Variants in IGF2R observed in about 807,000 individuals in gnomAD.
IGF2R encodes the protein cation-independent mannose-6-phosphate receptor.
IGF2R carries 91 observed loss-of-function variants against 270.6 expected under a neutral mutation model. The observed-to-expected ratio is 0.34, with a 90% CI of 0.28 to 0.40. The LOEUF (loss-of-function observed/expected upper bound fraction) is 0.40. IGF2R is among the 10% of genes least tolerant of loss of function. IGF2R has a pLI of 1.00. For missense variants in IGF2R, 2,805 were observed against 3,188.3 expected (o/e 0.88, Z 2.90); for synonymous variants, 1,316 against 1,258.9 (o/e 1.05, Z -0.96).
At chr6:160,094,115 T>G in intron 44 of IGF2R, 1 of 454,290 alleles carries the variant, frequency 2.2e-6, no homozygotes, top group South Asian at 1.9e-5. Context: ...GTACTACTGC[T>G]GTTGCATAAC....
rs767501582 is a variant in IGF2R, at chr6:160,058,952, A to C, written c.2945A>C (p.Lys982Thr). 6.2e-7 allele frequency: 1 copy of C among 1,614,204 alleles called. No homozygotes were observed. Among genetic ancestry groups the C allele is most frequent in the African/African-American group, 1.3e-5 (1 of 75,044 alleles). Reference sequence around the variant, plus strand: ...CCTGTCTGTGGGACCATCCTGGGAAAACCTGCTTCTGGCTGTGAGGCAGAA... The same window carrying C: ...CCTGTCTGTGGGACCATCCTGGGAACACCTGCTTCTGGCTGTGAGGCAGAA... Reference protein sequence around the residue: ...TMPVCGTILGKPASGCEAETQ... With the variant: ...TMPVCGTILGTPASGCEAETQ... The change falls in exon 22 of 48, where the codon AAA (lysine) becomes ACA (threonine). Residue 982 changes from lysine to threonine, a missense_variant. This residue lies in a region of IGF2R where 1,851 missense variants were observed against 2,207.2 expected (regional missense o/e 0.84). Coordinates refer to ENST00000356956, the MANE Select transcript of IGF2R (RefSeq NM_000876.4).
At position 159,969,864 on chromosome 6, in the gene IGF2R, A is replaced by G. The variant is rs901682818; in HGVS notation, c.149+469A>G. On this transcript the variant is annotated intron_variant, in intron 1 of 47. Transcript: ENST00000356956. ...CACCGGGGCGTTGGAGCCCGCAGGAATGGTCCTGGAGTTGAGTGTTTGTGG... is the reference window on the plus strand; with the variant it reads ...CACCGGGGCGTTGGAGCCCGCAGGAGTGGTCCTGGAGTTGAGTGTTTGTGG... 4.6e-5 allele frequency among the ~76,000 whole-genome samples: 7 copies of G among 152,030 alleles called. No homozygotes were observed. In the East Asian group the frequency reaches 1.4e-3, roughly 29 times the overall value.
chr6:160,098,824 A>G (rs774542581), intron 45 of IGF2R, among the ~76,000 whole-genome samples: 22 of 152,338 alleles, frequency 1.4e-4, no homozygotes, highest in South Asian at 4.1e-4. Flanking sequence ...ATCTCAGGAA[A>G]AAAAATCATG....
At chr6:160,082,187 G>A (rs780152253) in intron 39 of IGF2R, among the ~76,000 whole-genome samples, 3 of 152,136 alleles carry the variant, frequency 2.0e-5, no homozygotes, top group Non-Finnish European at 4.4e-5. Context: ...GGAACCAAAC[G>A]TGTTAAATTT....
At chr6:160,100,030 A>G (rs1200252403) in intron 45 of IGF2R, among the ~76,000 whole-genome samples, 1 of 152,256 alleles carries the variant, frequency 6.6e-6, no homozygotes, top group African/African-American at 2.4e-5. Context: ...AACTTCCAAA[A>G]CAGCGGAGAA....
intron 2 of IGF2R, among the ~76,000 whole-genome samples, chr6:159,997,698 A>T (rs1020050260): frequency 6.6e-6 from 1 of 152,038 alleles, no homozygotes; most frequent in African/African-American, 2.4e-5. Context: ...GGGGTTCTCC[A>T]CCAGGCTCCA....
chr6:160,040,299 G>T (rs1315452426), intron 10 of IGF2R, among the ~76,000 whole-genome samples: 2 of 152,080 alleles, frequency 1.3e-5, no homozygotes, highest in Non-Finnish European at 2.9e-5. Flanking sequence ...CTTATCTTTG[G>T]AGATGCTGTA....
At chr6:159,989,916 A>G (rs181083632) in intron 1 of IGF2R, among the ~76,000 whole-genome samples, 21 of 152,340 alleles carry the variant, frequency 1.4e-4, no homozygotes, top group South Asian at 2.1e-4. Context: ...TCCCAAGTAT[A>G]CTGATTGATG....
chr6:159,976,200 G>A (rs1332398911), intron 1 of IGF2R, among the ~76,000 whole-genome samples: 5 of 151,996 alleles, frequency 3.3e-5, no homozygotes, highest in Non-Finnish European at 4.4e-5. Flanking sequence ...GTTTTATCTA[G>A]TTTATTTTTC....
intron 28 of IGF2R, 122 bp from the exon 29 acceptor site, chr6:160,064,682 C>T: frequency 9.1e-7 from 1 of 1,099,872 alleles, no homozygotes. Flanking sequence ...TTGAAACTTT[C>T]ATCAGTTAGT....
Position 160,071,934 on chromosome 6 carries a change from G to A in IGF2R, c.4468G>A (p.Ala1490Thr), listed in dbSNP as rs770030458. The A allele has an allele frequency of 1.2e-5, 20 of 1,614,154 alleles. No individual in the cohort carries two copies. In the East Asian group the frequency reaches 2.2e-4, roughly 18 times the overall value. Residue 1490 changes from alanine (A) to threonine (T), a missense_variant, in exon 32 of 48, where the codon GCC (alanine) becomes ACC (threonine). Around this residue, in one of 2 missense-constraint regions of IGF2R, gnomAD observed 1,851 missense variants for 2,207.2 expected, o/e 0.84. Coordinates refer to ENST00000356956, the MANE Select transcript of IGF2R (RefSeq NM_000876.4). ...GAACTCCAGGCCCATGTTCATCAGC[G>A]CCGTGGAGGACTGTGAGTACACCTT... ...QVNSRPMFIS[A>T]VEDCEYTFAW...
chr6:160,052,368 A>G (rs892291632), intron 19 of IGF2R, among the ~76,000 whole-genome samples: 9 of 152,198 alleles, frequency 5.9e-5, no homozygotes, highest in Non-Finnish European at 1.2e-4. Context: ...TAGGAATCCA[A>G]CTTACAAGGG....
At chr6:160,060,746 G>C in intron 23 of IGF2R, 29 bp downstream of exon 23, 1 of 1,611,910 alleles carries the variant, frequency 6.2e-7, no homozygotes, top group African/African-American at 1.3e-5. Context: ...AGAACTGAGA[G>C]GCCGGTCAAG....
chr6:160,068,065 G>GTGT (rs973206316), intron 29 of IGF2R, among the ~76,000 whole-genome samples, 184 bp from the exon 30 acceptor site: 1,060 of 77,446 alleles, frequency 0.014, 6 homozygotes, highest in Middle Eastern at 0.064. Context: ...TCTGATGGGG[G>GTGT]GTGTGTGTGT....
chr6:159,989,355 C>G (rs1783941831), intron 1 of IGF2R, among the ~76,000 whole-genome samples: 1 of 152,052 alleles, frequency 6.6e-6, no homozygotes, highest in African/African-American at 2.4e-5. Flanking sequence ...GAGTCATTGC[C>G]TTGGTGCACT....
intron 4 of IGF2R, among the ~76,000 whole-genome samples, chr6:160,018,024 G>T (rs1238727687): frequency 6.6e-6 from 1 of 152,130 alleles, no homozygotes; most frequent in Non-Finnish European, 1.5e-5. Flanking sequence ...CTTTGAATGT[G>T]CATGGATTAA....
Position 159,998,125 on chromosome 6 carries a change from T to C in IGF2R, c.289+6802T>C, listed in dbSNP as rs550555013. 5.9e-5 allele frequency among the ~76,000 whole-genome samples: 9 copies of C among 152,346 alleles called. No individual in the cohort carries two copies. The highest frequency in any genetic ancestry group is 5.9e-4 in the Admixed American group (9 of 15,298). On this transcript the variant is annotated intron_variant, in intron 2 of 47. Coordinates refer to ENST00000356956, the MANE Select transcript of IGF2R (RefSeq NM_000876.4). This position sits in a 1 kb window ranked among gnomAD's most constrained non-coding sequence, Gnocchi z 4.1. ...TGGCCAGTTTACTCATTGTGCTCTT[T>C]TGAGAACTCACAGAGAAAGGCCACA...
intron 35 of IGF2R, among the ~76,000 whole-genome samples, chr6:160,074,548 A>G (rs939503927): frequency 6.6e-6 from 1 of 152,248 alleles, no homozygotes; most frequent in East Asian, 1.9e-4. Flanking sequence ...TTCTGGGATT[A>G]CAGGCATGAG....
chr6:159,970,512 G>T lies in IGF2R; in HGVS notation c.149+1117G>T, dbSNP rs141250879. Among the ~76,000 whole-genome samples the T allele has an allele frequency of 7.5e-4, 114 of 152,234 alleles. 1 individual carries two copies. The highest frequency in any genetic ancestry group is 2.7e-3 in the African/African-American group (111 of 41,522). On this transcript the variant is annotated intron_variant, in intron 1 of 47. Coordinates refer to ENST00000356956, the MANE Select transcript of IGF2R (RefSeq NM_000876.4). Reference sequence around the variant, plus strand: ...ATTAGCACCCCTGTGTTCAGAACATGCAGAAATTAGTCTAAGGAGGGTGAG... The same window carrying T: ...ATTAGCACCCCTGTGTTCAGAACATTCAGAAATTAGTCTAAGGAGGGTGAG...
Sources: gnomAD v4.1 joint callset for allele counts (sites outside exome capture counted in the v4.1 genomes callset) on GRCh38, gnomAD v4.1.1 for gene constraint, gnomAD v4.1.1 regional missense constraint, Gnocchi (gnomAD v3.1) non-coding constraint, MANE v1.5 for transcripts, NCBI Gene and HGNC (gene_info 2026-07-23, HGNC 2026-07-21) for gene names.